Variants in MND1 observed in about 807,000 individuals in gnomAD.
MND1 encodes meiotic nuclear divisions 1.
MND1 carries 28 observed loss-of-function variants against 35.1 expected under a neutral mutation model. The observed-to-expected ratio is 0.80, with a 90% confidence interval of 0.59 to 1.09. The LOEUF (loss-of-function observed/expected upper bound fraction) is 1.09. MND1 is among the 50% of genes least tolerant of loss of function. The pLI, the probability that MND1 is intolerant of heterozygous loss-of-function variation, is 0.00. For synonymous variants in MND1, 69 were observed against 70.5 expected (o/e 0.98, Z 0.11); for missense variants, 213 against 239.6 (o/e 0.89, Z 0.73).
intron 3 of MND1, among the ~76,000 whole-genome samples, chr4:153,356,724 C>T (rs961260456): frequency 2.0e-5 from 3 of 151,610 alleles, no homozygotes; most frequent in Non-Finnish European, 4.4e-5. Context: ...GCTTTATTTT[C>T]GATTTCTTCA....
At chr4:153,402,214 T>G (rs1181187605) in intron 6 of MND1, among the ~76,000 whole-genome samples, 1 of 152,212 alleles carries the variant, frequency 6.6e-6, no homozygotes, top group African/African-American at 2.4e-5. Context: ...GCAACAATTC[T>G]TTAAACAATT....
intron 3 of MND1, among the ~76,000 whole-genome samples, chr4:153,357,293 A>G (rs750538338): frequency 1.3e-5 from 2 of 152,110 alleles, no homozygotes; most frequent in African/African-American, 2.4e-5. Context: ...TCAGTGAACA[A>G]TTGGTTCTGC....
At chr4:153,381,179 A>G (rs989713970) in intron 4 of MND1, among the ~76,000 whole-genome samples, 2 of 152,088 alleles carry the variant, frequency 1.3e-5, no homozygotes, top group African/African-American at 4.8e-5. Flanking sequence ...GATTACAGGT[A>G]TCAGCCACTG....
chr4:153,377,534 CCT>C (rs1373348535), intron 4 of MND1, among the ~76,000 whole-genome samples: 1 of 152,134 alleles, frequency 6.6e-6, no homozygotes, highest in Admixed American at 6.5e-5. Flanking sequence ...TTCTCTAGAA[CCT>C]CTCACTCTAA....
chr4:153,361,552 A>C, intron 4 of MND1: 1 of 456,148 alleles, frequency 2.2e-6, no homozygotes, highest in Non-Finnish European at 4.4e-6. Flanking sequence ...TATTATAGAA[A>C]ATTCTGGCTG....
intron 4 of MND1, among the ~76,000 whole-genome samples, chr4:153,361,121 T>G (rs1265606077): frequency 6.6e-6 from 1 of 152,212 alleles, no homozygotes; most frequent in Non-Finnish European, 1.5e-5. Context: ...GGTGAGCCAC[T>G]GCGACCGGCC....
chr4:153,346,916 C>T (rs865909879), intron 1 of MND1, among the ~76,000 whole-genome samples: 4 of 152,246 alleles, frequency 2.6e-5, no homozygotes, highest in Middle Eastern at 6.8e-3. Context: ...CCCATTGCCC[C>T]GCAGCGCCCT....
At chr4:153,362,913 C>A in intron 4 of MND1, 1 of 705,832 alleles carries the variant, frequency 1.4e-6, no homozygotes, top group Non-Finnish European at 1.7e-6. Flanking sequence ...ATGTTTTATA[C>A]AGGATGAGTA....
intron 4 of MND1, among the ~76,000 whole-genome samples, chr4:153,394,002 T>C (rs1326359075): frequency 1.5e-5 from 2 of 134,576 alleles, no homozygotes; most frequent in Non-Finnish European, 3.1e-5. Flanking sequence ...CAATCTCAGC[T>C]CACTGCAACC....
intron 6 of MND1, among the ~76,000 whole-genome samples, chr4:153,400,618 G>A (rs1350046323): frequency 6.6e-6 from 1 of 152,128 alleles, no homozygotes; most frequent in African/African-American, 2.4e-5. Context: ...AGGCTGAGAT[G>A]GGAGGATTCC....
rs145986646 is a variant in MND1 at position 153,362,976 on chromosome 4, T to A, written c.276+4354T>A. ...TACATGGCATGGATTGAGAGATTTG[T>A]TTTCCTATAGGTGACTTTCCCCCAC... On this transcript the variant is annotated intron_variant, in intron 4 of 7. Transcript: ENST00000240488. The A allele has an allele frequency of 6.6e-3, 6,518 of 983,718 alleles. 23 individuals are homozygous for A. The highest frequency in any genetic ancestry group is 0.014 in the South Asian group (298 of 21,222). The allele number at this position is 983,718 out of a possible 1,614,324, so 60.9% of individuals were successfully genotyped here.
At chr4:153,390,903 G>GTGTGTGTGTC (rs1729007129) in intron 4 of MND1, among the ~76,000 whole-genome samples, 1 of 136,644 alleles carries the variant, frequency 7.3e-6, no homozygotes, top group Admixed American at 7.5e-5. Context: ...GTGTGTGTGT[G>GTGTGTGTGTC]TGTGTGTGTG....
intron 7 of MND1, among the ~76,000 whole-genome samples, chr4:153,410,230 T>A (rs936774175): frequency 1.3e-5 from 2 of 152,234 alleles, no homozygotes; most frequent in African/African-American, 4.8e-5. Flanking sequence ...AAGTTCATGT[T>A]TTCCAATTGA....
intron 4 of MND1, among the ~76,000 whole-genome samples, chr4:153,387,538 T>A (rs1366554175): frequency 1.3e-5 from 2 of 152,108 alleles, no homozygotes; most frequent in Non-Finnish European, 2.9e-5. Context: ...TCAGGAAGAT[T>A]GCTTGAGTTC....
chr4:153,396,879 C>T (rs1729210693), intron 5 of MND1, among the ~76,000 whole-genome samples: 1 of 151,438 alleles, frequency 6.6e-6, no homozygotes, highest in African/African-American at 2.4e-5. Flanking sequence ...TGTGAAACTA[C>T]TCAAAAAGTA....
At chr4:153,349,045 A>G (rs112185132) in intron 1 of MND1, among the ~76,000 whole-genome samples, 1 of 150,374 alleles carries the variant, frequency 6.7e-6, no homozygotes, top group South Asian at 2.1e-4. Flanking sequence ...CATAAGAAAT[A>G]TTAGTGTGGA....
At position 153,354,591 on chromosome 4, in the gene MND1, C is replaced by T. The variant is rs1387458927; in HGVS notation, c.70-1063C>T. 3.3e-5 allele frequency among the ~76,000 whole-genome samples: 5 copies of T among 152,134 alleles called. No homozygotes were observed. In the East Asian group the frequency reaches 9.6e-4, roughly 29 times the overall value. ...AGTCATAGCTTACTGCAGCCTCAAC[C>T]TCCCAGGCTCAAGCTATTCTCCCAT... On this transcript the variant is annotated intron_variant, in intron 2 of 7. Coordinates refer to ENST00000240488, the MANE Select transcript of MND1 (RefSeq NM_032117.4).
intron 4 of MND1, among the ~76,000 whole-genome samples, chr4:153,367,789 T>C (rs994502422): frequency 3.3e-5 from 5 of 152,172 alleles, no homozygotes; most frequent in Non-Finnish European, 7.4e-5. Context: ...AACTGCGCCA[T>C]TTTATAGTTC....
At chr4:153,383,379 G>T (rs1728761971) in intron 4 of MND1, among the ~76,000 whole-genome samples, 1 of 152,210 alleles carries the variant, frequency 6.6e-6, no homozygotes, top group African/African-American at 2.4e-5. Flanking sequence ...CATGTGGATT[G>T]CAGCTGGGGA....
Sources: allele counts gnomAD v4.1 joint callset (sites outside exome capture counted in the v4.1 genomes callset), GRCh38; gene constraint gnomAD v4.1.1; transcripts MANE v1.5; gene names NCBI Gene and HGNC (gene_info 2026-07-23, HGNC 2026-07-21).